CDC42BPA: variants seen among roughly 807,000 people sequenced by gnomAD.
CDC42BPA encodes the protein CDC42 binding protein kinase alpha.
In CDC42BPA, 80 loss-of-function variants were observed where a neutral mutation model predicts 223.5. The ratio of observed to expected loss-of-function variants is 0.36; its 90% CI spans 0.30 to 0.43. The LOEUF is 0.43. Ranked by LOEUF, CDC42BPA falls within the 20% of genes least tolerant of loss-of-function variation. The pLI is 1.00. For missense variants in CDC42BPA, 1,743 were observed against 2,099.9 expected (o/e 0.83, Z 3.32); for synonymous variants, 694 against 718.6 (o/e 0.97, Z 0.55).
intron 35 of CDC42BPA, among the ~76,000 whole-genome samples, chr1:227,000,670 C>A (rs7541033): frequency 0.37 from 56,746 of 152,042 alleles, 11,334 homozygotes; most frequent in Non-Finnish European, 0.46. Context: ...GGTCTTTTCA[C>A]TGCCTCCCTC....
chr1:227,156,567 T>C (rs923689624), intron 6 of CDC42BPA, among the ~76,000 whole-genome samples: 5 of 151,982 alleles, frequency 3.3e-5, no homozygotes, highest in African/African-American at 1.2e-4. Context: ...ATAAGTATGC[T>C]AGAAACAAAA....
At chr1:227,167,716 T>C (rs910304912) in intron 5 of CDC42BPA, among the ~76,000 whole-genome samples, 2 of 152,206 alleles carry the variant, frequency 1.3e-5, no homozygotes, top group African/African-American at 2.4e-5. Context: ...GACAATGTTA[T>C]AATTTTTGCT....
chr1:227,044,784 A>C (rs1245104866), intron 23 of CDC42BPA, among the ~76,000 whole-genome samples: 1 of 152,190 alleles, frequency 6.6e-6, no homozygotes, highest in Non-Finnish European at 1.5e-5. Flanking sequence ...AGTTATTATG[A>C]CTAGAGAATC....
chr1:227,041,409 G>C (rs1457019965), intron 23 of CDC42BPA, among the ~76,000 whole-genome samples: 1 of 151,916 alleles, frequency 6.6e-6, no homozygotes, highest in Non-Finnish European at 1.5e-5. Context: ...ATGTGTGATT[G>C]ATTTAAACTA....
At chr1:227,119,496 AAC>A (rs1688291985) in intron 12 of CDC42BPA, among the ~76,000 whole-genome samples, 1 of 152,046 alleles carries the variant, frequency 6.6e-6, no homozygotes, top group Non-Finnish European at 1.5e-5. Context: ...ATAGATGCTA[AAC>A]AGTTTCTACT....
chr1:227,020,596 T>C (rs1209433951), intron 32 of CDC42BPA, among the ~76,000 whole-genome samples: 2 of 152,242 alleles, frequency 1.3e-5, no homozygotes, highest in African/African-American at 4.8e-5. Context: ...TTTTACAGAA[T>C]TGAAGAGAAA....
intron 1 of CDC42BPA, chr1:227,264,852 G>T (rs1684709262): frequency 1.3e-6 from 2 of 1,527,912 alleles, no homozygotes; most frequent in Admixed American, 1.7e-5. Flanking sequence ...ATTCCTTCAG[G>T]TAAGTCTGGA....
At chr1:227,196,453 C>T (rs1447017642) in intron 4 of CDC42BPA, among the ~76,000 whole-genome samples, 1 of 149,852 alleles carries the variant, frequency 6.7e-6, no homozygotes, top group East Asian at 2.0e-4. Flanking sequence ...CATCCTCCTG[C>T]CTCAGCCTCC....
chr1:227,238,523 A>C (rs1403378878), intron 2 of CDC42BPA, among the ~76,000 whole-genome samples: 1 of 152,242 alleles, frequency 6.6e-6, no homozygotes. Context: ...ATGACAGAGA[A>C]GAGTAGTTGC....
intron 22 of CDC42BPA, among the ~76,000 whole-genome samples, chr1:227,051,084 T>A (rs1275757918): frequency 6.6e-6 from 1 of 151,814 alleles, no homozygotes; most frequent in African/African-American, 2.4e-5. Context: ...TGTCACAGAG[T>A]TGGAAAAATC....
chr1:227,089,772 T>C (rs1475725956), intron 16 of CDC42BPA, among the ~76,000 whole-genome samples: 1 of 152,106 alleles, frequency 6.6e-6, no homozygotes, highest in African/African-American at 2.4e-5. Context: ...TGAGAAGTTT[T>C]GAAAAATTCT....
intron 17 of CDC42BPA, among the ~76,000 whole-genome samples, chr1:227,078,805 C>G (rs575237436): frequency 6.6e-6 from 1 of 152,182 alleles, no homozygotes; most frequent in South Asian, 2.1e-4. Flanking sequence ...TGAGCATTAC[C>G]TCATTTTTCA....
chr1:227,092,701 T>C (rs889442240), intron 15 of CDC42BPA, among the ~76,000 whole-genome samples: 3 of 152,194 alleles, frequency 2.0e-5, no homozygotes, highest in Non-Finnish European at 2.9e-5. Context: ...TTTTAAAAAA[T>C]TTACTTCGAA....
Position 227,057,776 on chromosome 1 carries a change from T to A in CDC42BPA, c.2905-5791A>T, listed in dbSNP as rs1422205719. Among the ~76,000 whole-genome samples the A allele has an allele frequency of 2.0e-5, 3 of 152,192 alleles. 1 individual carries two copies. The highest frequency in any genetic ancestry group is 4.4e-5 in the Non-Finnish European group (3 of 68,022). ...ATTCATATCTCATAGAATAAAGACA[T>A]AGAATTAAGGAGAGACCTTATAACA... On this transcript the variant is annotated intron_variant, in intron 21 of 36. Transcript: ENST00000366766.
chr1:227,198,863 T>TC (rs916526491), intron 4 of CDC42BPA, among the ~76,000 whole-genome samples: 2 of 152,038 alleles, frequency 1.3e-5, no homozygotes, highest in Non-Finnish European at 1.5e-5. Context: ...TTCTCCTGCC[T>TC]CAGCCTCCCG....
At chr1:227,292,324 T>C (rs1272032124) in intron 1 of CDC42BPA, among the ~76,000 whole-genome samples, 2 of 151,986 alleles carry the variant, frequency 1.3e-5, no homozygotes, top group Non-Finnish European at 2.9e-5. Context: ...AAATATGAAA[T>C]CAAAAATGAT....
intron 29 of CDC42BPA, among the ~76,000 whole-genome samples, chr1:227,029,994 C>T (rs954930685): frequency 7.2e-5 from 11 of 151,898 alleles, no homozygotes; most frequent in East Asian, 5.8e-4. Context: ...ATTAGCCGGG[C>T]GTGGTGGTGC....
intron 5 of CDC42BPA, among the ~76,000 whole-genome samples, chr1:227,187,821 C>T (rs920468951): frequency 1.1e-4 from 16 of 151,126 alleles, no homozygotes; most frequent in Non-Finnish European, 2.1e-4. Context: ...AGAATTATAT[C>T]TGATTCCTTA....
At position 227,150,188 on chromosome 1, in the gene CDC42BPA, C is replaced by T. The variant is rs182223116; in HGVS notation, c.694-2629G>A. Among the ~76,000 whole-genome samples, 4 of 147,702 alleles carry T rather than the reference C, an allele frequency of 2.7e-5. No individual in the cohort carries two copies. The Admixed American group carries it at 2.7e-4, about 10-fold the overall frequency. On this transcript the variant is annotated intron_variant, in intron 6 of 36. Transcript: ENST00000366766. The stretch of plus-strand genomic sequence containing the variant: ...GCAGTGAGCAGAGATGGCATCACTG[C>T]ACTCCAGCCTGGGCGACAAGAGTGA...
Sources: gnomAD v4.1 joint callset for allele counts (sites outside exome capture counted in the v4.1 genomes callset) on GRCh38, gnomAD v4.1.1 for gene constraint, MANE v1.5 for transcripts, NCBI Gene and HGNC (gene_info 2026-07-23, HGNC 2026-07-21) for gene names.